The following USP9X variants were observed in gnomAD, a reference collection of about 807,000 sequenced individuals.
USP9X encodes ubiquitin carboxyl-terminal hydrolase 9X.
A neutral mutation model predicts 190.3 loss-of-function variants in USP9X; 7 were observed. That is an observed-to-expected ratio of 0.04 (90% CI 0.02 to 0.07). The LOEUF (loss-of-function observed/expected upper bound fraction) is 0.07. USP9X is among the 10% of genes least tolerant of loss of function. The pLI is 1.00. For missense variants in USP9X, 1,010 were observed against 1,916.9 expected (o/e 0.53, Z 8.83); for synonymous variants, 645 against 659.5 (o/e 0.98, Z 0.34).
At chrX:41,219,696 T>C (rs1035274006) in intron 38 of USP9X, among the ~76,000 whole-genome samples, 17 of 112,289 alleles carry the variant, frequency 1.5e-4, no homozygotes, top group African/African-American at 4.9e-4. Context: ...GCTTAAAATA[T>C]TAATTTAGGG....
At chrX:41,209,797 AACAG>A (rs1361577772) in intron 32 of USP9X, among the ~76,000 whole-genome samples, 7 of 112,571 alleles carry the variant, frequency 6.2e-5, no homozygotes, top group African/African-American at 9.6e-5. Context: ...CAAAAGTATA[AACAG>A]ACAGTTCTTG....
chrX:41,150,917 T>C lies in USP9X; in HGVS notation c.1627-4T>C. The C allele has an allele frequency of 8.3e-7, 1 of 1,200,726 alleles. No individual in the cohort carries two copies. Among genetic ancestry groups the C allele is most frequent in the Non-Finnish European group, 1.1e-6 (1 of 891,165 alleles). ...ATTTAAAACATTGAAATCATTTGTTTAAGGACCGTGATACACAAAAGATCC... is the reference window on the plus strand; with the variant it reads ...ATTTAAAACATTGAAATCATTTGTTCAAGGACCGTGATACACAAAAGATCC... On this transcript the variant is annotated splice_polypyrimidine_tract_variant and splice_region_variant and intron_variant, in intron 12 of 44. Coordinates refer to ENST00000378308, the MANE Select transcript of USP9X (RefSeq NM_001039591.3).
At chrX:41,159,466 G>A (rs1326991547) in intron 14 of USP9X, among the ~76,000 whole-genome samples, 5 of 110,870 alleles carry the variant, frequency 4.5e-5, no homozygotes, top group African/African-American at 1.6e-4. Flanking sequence ...AATGAACTTT[G>A]AAAACATTAT....
intron 37 of USP9X, 89 bp from the exon 38 acceptor site, chrX:41,219,013 T>TA: frequency 1.1e-6 from 1 of 927,870 alleles, no homozygotes; most frequent in Non-Finnish European, 1.4e-6. Context: ...TGTATGCCTG[T>TA]ATCAGCATAT....
At chrX:41,095,246 G>A (rs979269879) in intron 1 of USP9X, among the ~76,000 whole-genome samples, 3 of 111,732 alleles carry the variant, frequency 2.7e-5, no homozygotes, top group Non-Finnish European at 3.8e-5. Flanking sequence ...AGTGTAGTAG[G>A]AGAGATGGAG....
chrX:41,148,076 T>G (rs945429263), intron 11 of USP9X, among the ~76,000 whole-genome samples: 12 of 111,788 alleles, frequency 1.1e-4, no homozygotes, highest in Non-Finnish European at 2.3e-4. Context: ...TCCCCAAGCA[T>G]GATAACCATG....
chrX:41,174,327 G>C (rs2062754445), intron 21 of USP9X, among the ~76,000 whole-genome samples: 1 of 111,370 alleles, frequency 9.0e-6, no homozygotes, highest in African/African-American at 3.3e-5. Flanking sequence ...GTGTTGGGAG[G>C]GTGGATCCTG....
At chrX:41,120,840 G>GTT (rs772931570) in intron 1 of USP9X, among the ~76,000 whole-genome samples, 10,744 of 89,998 alleles carry the variant, frequency 0.12, 766 homozygotes, top group Admixed American at 0.2. Flanking sequence ...CTTTAGTCAA[G>GTT]TTTTTTTTTT....
chrX:41,130,469 T>C (rs2062299692), intron 3 of USP9X, among the ~76,000 whole-genome samples: 1 of 100,728 alleles, frequency 9.9e-6, no homozygotes, highest in Admixed American at 1.1e-4. Context: ...TTTTTTCTTT[T>C]TTTCTTTTTT....
intron 1 of USP9X, among the ~76,000 whole-genome samples, chrX:41,122,913 G>A (rs935970160): frequency 9.0e-6 from 1 of 111,034 alleles, no homozygotes; most frequent in Non-Finnish European, 1.9e-5. Context: ...TCCACCTTTA[G>A]ACACTTCCTC....
At chrX:41,097,737 A>G (rs1171544796) in intron 1 of USP9X, among the ~76,000 whole-genome samples, 1 of 111,810 alleles carries the variant, frequency 8.9e-6, no homozygotes, top group Non-Finnish European at 1.9e-5. Context: ...TCTGCCTTCA[A>G]TCTATTGCGA....
intron 38 of USP9X, 81 bp downstream of exon 38, chrX:41,219,312 T>C (rs766883137): frequency 6.6e-5 from 65 of 978,115 alleles, no homozygotes; most frequent in Non-Finnish European, 8.6e-5. Context: ...TGATGAAATA[T>C]AATCTGATCT....
Position 41,196,098 on chromosome X carries a change from T to A in USP9X, c.3978-153T>A. The A allele has an allele frequency of 8.4e-6, 5 of 593,017 alleles. No homozygotes were observed. The South Asian group carries it at 1.4e-4, about 16-fold the overall frequency. 48.9% of individuals were successfully genotyped at this position (593,017 alleles called of 1,213,427 possible). On this transcript the variant is annotated intron_variant, in intron 26 of 44. Coordinates refer to ENST00000378308, the MANE Select transcript of USP9X (RefSeq NM_001039591.3). Reference sequence around the variant, plus strand: ...TATTATGTGGTGTTGGCTTGAGTGCTTGTTGTGTGTAGGTAGGGTAATCCT... The same window carrying A: ...TATTATGTGGTGTTGGCTTGAGTGCATGTTGTGTGTAGGTAGGGTAATCCT...
At chrX:41,173,147 T>C (rs778266109) in intron 21 of USP9X, among the ~76,000 whole-genome samples, 4 of 111,787 alleles carry the variant, frequency 3.6e-5, no homozygotes, top group East Asian at 5.6e-4. Flanking sequence ...TTTAATCTTA[T>C]TCCACCTTTG....
At chrX:41,170,972 A>T (rs1483470033) in intron 20 of USP9X, among the ~76,000 whole-genome samples, 1 of 111,662 alleles carries the variant, frequency 9.0e-6, no homozygotes, top group East Asian at 2.8e-4. Flanking sequence ...AATGCTGCAG[A>T]TGACCCTGTG....
chrX:41,186,254 T>A (rs758193627), intron 23 of USP9X, among the ~76,000 whole-genome samples: 1 of 111,417 alleles, frequency 9.0e-6, no homozygotes, highest in Non-Finnish European at 1.9e-5. Context: ...CATTATCCCC[T>A]GCAAGTTAAG....
chrX:41,111,118 CAT>C (rs2062105583), intron 1 of USP9X, among the ~76,000 whole-genome samples: 1 of 107,760 alleles, frequency 9.3e-6, no homozygotes, highest in Admixed American at 1.0e-4. Context: ...CTCGCAAATT[CAT>C]ATGTTGAAAC....
chrX:41,162,825 G>A lies in USP9X; in HGVS notation c.1933G>A (p.Gly645Arg). ...TTATGACCCACAAACTGTGAGGCTG[G>A]GAAGTAGATATAGTCATGTTCAAGA... ...EDYDPQTVRL[G>R]SRYSHVQEVQ... is the part of the protein sequence containing the mutation. The change falls in exon 15 of 45, where the codon GGA becomes AGA. Residue 645 changes from glycine to arginine, a missense_variant. Physicochemically the swap from Gly to Arg is moderately radical, Grantham distance 125. Coordinates refer to ENST00000378308, the MANE Select transcript of USP9X (RefSeq NM_001039591.3). The A allele has an allele frequency of 8.3e-7, 1 of 1,209,237 alleles. No individual in the cohort carries two copies. Among genetic ancestry groups the A allele is most frequent in the Middle Eastern group, 2.3e-4 (1 of 4,346 alleles).
At chrX:41,106,549 T>TA (rs1555915913) in intron 1 of USP9X, among the ~76,000 whole-genome samples, 5 of 90,277 alleles carry the variant, frequency 5.5e-5, no homozygotes, top group South Asian at 5.6e-4. Context: ...TTTTTTTTTT[T>TA]AGACAGAGTC....
Sources: gnomAD v4.1 joint callset for allele counts (sites outside exome capture counted in the v4.1 genomes callset) on GRCh38, gnomAD v4.1.1 for gene constraint, MANE v1.5 for transcripts, NCBI Gene and HGNC (gene_info 2026-07-23, HGNC 2026-07-21) for gene names.